The following AGBL4 variants were observed in gnomAD, a reference collection of about 807,000 sequenced individuals.
The protein encoded by AGBL4 is AGBL carboxypeptidase 4.
A neutral mutation model predicts 66.4 loss-of-function variants in AGBL4; 58 were observed. The observed-to-expected ratio is 0.87, with a 90% confidence interval of 0.71 to 1.09. The LOEUF (loss-of-function observed/expected upper bound fraction) is 1.09, where lower values mean the gene tolerates loss of function less well. Among genes scored for constraint, AGBL4 ranks in the 50% least tolerant of loss-of-function variants. AGBL4 has a pLI of 0.00. For missense variants in AGBL4, 579 were observed against 631.0 expected (o/e 0.92, Z 0.88); for synonymous variants, 234 against 222.9 (o/e 1.05, Z -0.44).
chr1:48,622,779 T>C (rs60228561), intron 9 of AGBL4, among the ~76,000 whole-genome samples: 8,406 of 152,240 alleles, frequency 0.055, 612 homozygotes, highest in African/African-American at 0.17. Context: ...CCACTGCACC[T>C]GGCCTCAAAT....
chr1:49,881,861 T>C (rs1395779384), intron 1 of AGBL4, among the ~76,000 whole-genome samples: 1 of 151,774 alleles, frequency 6.6e-6, no homozygotes, highest in Non-Finnish European at 1.5e-5. Flanking sequence ...GATGGTAGTT[T>C]CTTTTGCTGT....
At chr1:49,186,743 G>A (rs1405783385) in intron 4 of AGBL4, among the ~76,000 whole-genome samples, 1 of 152,176 alleles carries the variant, frequency 6.6e-6, no homozygotes, top group African/African-American at 2.4e-5. Flanking sequence ...AAGATGGCTG[G>A]AATGCCAACA....
intron 3 of AGBL4, among the ~76,000 whole-genome samples, chr1:49,304,817 G>T (rs1034862455): frequency 3.3e-5 from 5 of 152,262 alleles, no homozygotes; most frequent in Admixed American, 2.6e-4. Context: ...TTAAGACATA[G>T]TATAAACTGT....
At chr1:48,818,162 A>G (rs1227997980) in intron 6 of AGBL4, 1 of 716,040 alleles carries the variant, frequency 1.4e-6, no homozygotes, top group Non-Finnish European at 2.6e-6. Flanking sequence ...CTGATAGTCA[A>G]ATTTGGAAAG....
At chr1:49,595,041 C>T (rs1025033627) in intron 3 of AGBL4, among the ~76,000 whole-genome samples, 3 of 152,034 alleles carry the variant, frequency 2.0e-5, no homozygotes, top group African/African-American at 7.2e-5. Context: ...TGTTTTTTCC[C>T]GACTTTTCAA....
chr1:48,579,268 C>G (rs1644699842), intron 11 of AGBL4, among the ~76,000 whole-genome samples: 2 of 151,870 alleles, frequency 1.3e-5, no homozygotes, highest in Non-Finnish European at 2.9e-5. Flanking sequence ...TGCTCTGTCC[C>G]CAAGGCTGGA....
At chr1:49,864,139 A>G (rs1646643370) in intron 1 of AGBL4, among the ~76,000 whole-genome samples, 1 of 152,212 alleles carries the variant, frequency 6.6e-6, no homozygotes, top group Non-Finnish European at 1.5e-5. Flanking sequence ...AAATCATATT[A>G]AGTGAAAAAA....
chr1:48,639,303 G>A (rs1333217253), intron 8 of AGBL4, among the ~76,000 whole-genome samples: 3 of 152,214 alleles, frequency 2.0e-5, no homozygotes, highest in African/African-American at 7.2e-5. Context: ...CAATCTATCA[G>A]TAGATAAGTA....
At chr1:48,754,252 C>T (rs1652185003) in intron 6 of AGBL4, among the ~76,000 whole-genome samples, 1 of 152,144 alleles carries the variant, frequency 6.6e-6, no homozygotes, top group Non-Finnish European at 1.5e-5. Flanking sequence ...TGGGGGCTTA[C>T]CCTCCCCCAA....
intron 5 of AGBL4, among the ~76,000 whole-genome samples, chr1:48,939,204 A>T (rs993177941): frequency 6.4e-4 from 98 of 152,264 alleles, no homozygotes; most frequent in Admixed American, 6.3e-3. Flanking sequence ...TAGCACACAG[A>T]ACAATTCCTG....
At chr1:49,857,376 C>T (rs1646461816) in intron 1 of AGBL4, among the ~76,000 whole-genome samples, 1 of 151,920 alleles carries the variant, frequency 6.6e-6, no homozygotes, top group African/African-American at 2.4e-5. Context: ...AATAATCAAT[C>T]CTAAAATTGA....
At chr1:49,249,974 A>G (rs1651920717) in intron 3 of AGBL4, among the ~76,000 whole-genome samples, 1 of 152,240 alleles carries the variant, frequency 6.6e-6, no homozygotes, top group East Asian at 1.9e-4. Context: ...ATCCAGGCAT[A>G]GAAAGATAAA....
chr1:49,860,292 T>C (rs757719918), intron 1 of AGBL4, among the ~76,000 whole-genome samples: 2 of 152,254 alleles, frequency 1.3e-5, no homozygotes, highest in Non-Finnish European at 2.9e-5. Flanking sequence ...CATAGTTTAC[T>C]GGAATAAAAC....
intron 5 of AGBL4, among the ~76,000 whole-genome samples, chr1:49,027,753 C>T (rs2149030863): frequency 6.6e-6 from 1 of 152,220 alleles, no homozygotes. Context: ...CCCACCAGAC[C>T]TTACTCATAG....
rs372783950 is a variant in AGBL4 at position 49,831,749 on chromosome 1, T to C, written c.157+19647A>G. Among the ~76,000 whole-genome samples, 9 of 152,308 alleles carry C rather than the reference T, an allele frequency of 5.9e-5. No individual in the cohort carries two copies. The East Asian group carries it at 1.4e-3, about 23-fold the overall frequency. On this transcript the variant is annotated intron_variant, in intron 2 of 13. Coordinates refer to ENST00000371839, the MANE Select transcript of AGBL4 (RefSeq NM_032785.4). Reference sequence around the variant, plus strand: ...CAGTATGATACTGGCTGTGGGTTTGTCATAAATAGCTCTTACTGTTTTGAG... The same window carrying C: ...CAGTATGATACTGGCTGTGGGTTTGCCATAAATAGCTCTTACTGTTTTGAG...
chr1:48,656,679 T>C (rs916591484), intron 7 of AGBL4, among the ~76,000 whole-genome samples: 1 of 152,172 alleles, frequency 6.6e-6, no homozygotes, highest in Non-Finnish European at 1.5e-5. Context: ...TTCAGCAACA[T>C]GGATGCAGCT....
intron 6 of AGBL4, among the ~76,000 whole-genome samples, chr1:48,787,821 A>G (rs1368176082): frequency 6.6e-6 from 1 of 152,172 alleles, no homozygotes; most frequent in Non-Finnish European, 1.5e-5. Flanking sequence ...GGTGCATGGG[A>G]CTCTGGATAG....
intron 3 of AGBL4, among the ~76,000 whole-genome samples, chr1:49,338,777 G>T (rs188807690): frequency 1.1e-4 from 16 of 152,294 alleles, no homozygotes; most frequent in Middle Eastern, 3.4e-3. Flanking sequence ...AGGAGGGAGT[G>T]CTTGAAGAAG....
chr1:49,498,389 A>T (rs899471536), intron 3 of AGBL4, among the ~76,000 whole-genome samples: 1 of 151,844 alleles, frequency 6.6e-6, no homozygotes, highest in African/African-American at 2.4e-5. Context: ...GACTTCCAGT[A>T]CTATGTTGAA....
Sources: allele counts gnomAD v4.1 joint callset (sites outside exome capture counted in the v4.1 genomes callset), GRCh38; gene constraint gnomAD v4.1.1; transcripts MANE v1.5; gene names NCBI Gene and HGNC (gene_info 2026-07-23, HGNC 2026-07-21).